The following HYOU1 variants were observed in gnomAD, a reference collection of about 807,000 sequenced individuals.
HYOU1 encodes the protein hypoxia up-regulated protein 1.
Under a neutral mutation model 120.5 loss-of-function variants are expected in HYOU1, and 40 were observed. The observed-to-expected ratio is 0.33, with a 90% CI of 0.26 to 0.43. The LOEUF is 0.43. HYOU1 is among the 20% of genes least tolerant of loss of function. The probability of loss-of-function intolerance (pLI) is 1.00; values close to 1 mark genes in which losing one functional copy is unlikely to be tolerated. For synonymous variants in HYOU1, 501 were observed against 479.4 expected (o/e 1.05, Z -0.59); for missense variants, 1,085 against 1,278.3 (o/e 0.85, Z 2.31).
In HYOU1 at chr11:119,045,323, G is replaced by T. The variant is rs1412671661; in HGVS notation, c.*270C>A. ...CAGGCAAAGGATTCAGAAATTAATA[G>T]TGATTTTTCCCAAATTTAGGGCCTA... is the stretch of plus-strand genomic sequence containing the variant. On this transcript the variant is annotated 3_prime_UTR_variant, in exon 26 of 26. Transcript: ENST00000617285. 9.8e-6 allele frequency: 6 copies of T among 613,268 alleles called. No homozygotes were observed. The highest frequency in any genetic ancestry group is 1.8e-5 in the Non-Finnish European group (6 of 331,396). 38.0% of individuals were successfully genotyped at this position (613,268 alleles called of 1,614,324 possible).
chr11:119,048,977 A>C lies in HYOU1; in HGVS notation c.1992+41T>G, dbSNP rs2133568727. 2.5e-6 allele frequency: 4 copies of C among 1,612,670 alleles called. No homozygotes were observed. In the Admixed American group the frequency reaches 6.7e-5, roughly 27 times the overall value. ...AAACAAGGCAGGCGCCTGCTCCCTT[A>C]GCCTCTGGATCCACACTGGCCTTCC... is the stretch of plus-strand genomic sequence containing the variant. On this transcript the variant is annotated intron_variant, in intron 17 of 25. Transcript: ENST00000617285. The surrounding 1 kb of genome is among the most constrained non-coding windows in gnomAD (Gnocchi z 4.7).
At chr11:119,046,504 A>T in intron 23 of HYOU1, 37 bp from the exon 24 acceptor site, 1 of 1,614,138 alleles carries the variant, frequency 6.2e-7, no homozygotes, top group Admixed American at 1.7e-5. Context: ...AGCCTCAGGA[A>T]GGAAAGGAGG....
intron 16 of HYOU1, 98 bp downstream of exon 16, chr11:119,049,458 C>A: frequency 1.9e-6 from 3 of 1,555,398 alleles, no homozygotes; most frequent in Admixed American, 1.7e-5. Flanking sequence ...GTTAACACAA[C>A]AGGGGCAGGG....
rs2133586830 is a variant in HYOU1, at chr11:119,051,650, C to T, written c.1339-25G>A. On this transcript the variant is annotated intron_variant, in intron 12 of 25. Coordinates refer to ENST00000617285, the MANE Select transcript of HYOU1 (RefSeq NM_006389.5). This position sits in a 1 kb window ranked among gnomAD's most constrained non-coding sequence, Gnocchi z 4.2. The stretch of plus-strand genomic sequence containing the variant: ...CCTACACAGCAGGCAGACAGAGGCA[C>T]ACTGTTGCACACTAGAGAACCCGAG... The T allele has an allele frequency of 6.2e-7, 1 of 1,613,186 alleles. No individual in the cohort carries two copies. Among genetic ancestry groups the T allele is most frequent in the East Asian group, 2.2e-5 (1 of 44,864 alleles).
At position 119,044,825 on chromosome 11, in the gene HYOU1, C is replaced by G. The variant is rs782362916; in HGVS notation, c.*768G>C. The G allele has an allele frequency of 9.2e-5, 23 of 248,948 alleles. No individual in the cohort carries two copies. The highest frequency in any genetic ancestry group is 1.7e-4 in the Non-Finnish European group (20 of 118,464). The allele number at this position is 248,948 out of a possible 1,614,324, so 15.4% of individuals were successfully genotyped here. A position where few individuals can be genotyped will look rare whatever the true frequency, so the allele number is the denominator to read the frequency against. On this transcript the variant is annotated 3_prime_UTR_variant, in exon 26 of 26. Transcript: ENST00000617285. ...ACAGAGCTTGCACGATGCTGGCACC[C>G]CATGCCAACCACTCTACGTGGCTTT... is the stretch of plus-strand genomic sequence containing the variant.
intron 6 of HYOU1, 117 bp downstream of exon 6, chr11:119,054,867 A>G: frequency 8.3e-7 from 1 of 1,198,894 alleles, no homozygotes; most frequent in East Asian, 2.4e-5. Flanking sequence ...GTGACAACCA[A>G]AATCTATCTT....
chr11:119,055,042 A>G lies in HYOU1; in HGVS notation c.438T>C (p.Pro146=), dbSNP rs2133609531. 6.2e-6 allele frequency: 10 copies of G among 1,614,174 alleles called. No individual in the cohort carries two copies. The South Asian group carries it at 8.8e-5, about 14-fold the overall frequency. Residue 146 remains proline (P), a synonymous_variant, in exon 6 of 26, where the codon CCT becomes CCC. Transcript: ENST00000617285. This position sits in a 1 kb window ranked among gnomAD's most constrained non-coding sequence, Gnocchi z 4.0. The part of the protein sequence containing the change: ...FQISSQLQFS[P]EEVLGMVLNY... ...TGAGAACCATGCCCAACACTTCCTC[A>G]GGTGAGAACTGCAGCTGCCTGAGGG...
rs1943957396 is a variant in HYOU1, at chr11:119,044,439, C to G, written c.*1154G>C. ...CTTGTCTTGGAGCTGAGGCAGCAGCCCTAGCTCCTGCTACAGACGGAATAC... is the reference window on the plus strand; with the variant it reads ...CTTGTCTTGGAGCTGAGGCAGCAGCGCTAGCTCCTGCTACAGACGGAATAC... On this transcript the variant is annotated 3_prime_UTR_variant, in exon 26 of 26. Coordinates refer to ENST00000617285, the MANE Select transcript of HYOU1 (RefSeq NM_006389.5). 1.3e-5 allele frequency: 2 copies of G among 152,390 alleles called. No homozygotes were observed. Among genetic ancestry groups the G allele is most frequent in the East Asian group, 1.9e-4 (1 of 5,178 alleles). 9.4% of individuals were successfully genotyped at this position (152,390 alleles called of 1,614,324 possible).
chr11:119,053,906 T>G (rs1047216766), intron 8 of HYOU1: 1 of 483,098 alleles, frequency 2.1e-6, no homozygotes. Context: ...GAATACATTT[T>G]GAAAGTTCCA....
chr11:119,055,668 C>T lies in HYOU1; in HGVS notation c.185+82G>A. 2.7e-6 allele frequency: 4 copies of T among 1,488,646 alleles called. No homozygotes were observed. Among genetic ancestry groups the T allele is most frequent in the Non-Finnish European group, 2.8e-6 (3 of 1,065,740 alleles). 92.2% of individuals were successfully genotyped at this position (1,488,646 alleles called of 1,614,324 possible). A position where few individuals can be genotyped will look rare whatever the true frequency, so the allele number is the denominator to read the frequency against. ...TTAACCACTCAGATGCCGAAGTCTG[C>T]TGTGGGCACTATGACTAACACATTC... On this transcript the variant is annotated intron_variant, in intron 3 of 25. Transcript: ENST00000617285. This position sits in a 1 kb window ranked among gnomAD's most constrained non-coding sequence, Gnocchi z 4.0.
rs1944195953 is a variant in HYOU1 at position 119,048,137 on chromosome 11, C to G, written c.2377-57G>C. ...AAGGGACGACAGCAGAGCCTGGAGT[C>G]AGCCCCATGTCCTTCTTTATGGGCT... On this transcript the variant is annotated intron_variant, in intron 20 of 25. Coordinates refer to ENST00000617285, the MANE Select transcript of HYOU1 (RefSeq NM_006389.5). This position sits in a 1 kb window ranked among gnomAD's most constrained non-coding sequence, Gnocchi z 4.7. The G allele has an allele frequency of 6.2e-7, 1 of 1,612,274 alleles. No homozygotes were observed. The highest frequency in any genetic ancestry group is 1.1e-5 in the South Asian group (1 of 91,002).
In HYOU1 at chr11:119,045,065, C is replaced by T. The variant is rs1943985894; in HGVS notation, c.*528G>A. On this transcript the variant is annotated 3_prime_UTR_variant, in exon 26 of 26. Transcript: ENST00000617285. ...GCTGGATGGGAATGGGGAAGGGAGG[C>T]TCAGAGCAAGAGAAGCCCGCAGAGG... 2 of 444,950 alleles carry T rather than the reference C, an allele frequency of 4.5e-6. No individual in the cohort carries two copies. Among genetic ancestry groups the T allele is most frequent in the Non-Finnish European group, 9.2e-6 (2 of 217,428 alleles). 27.6% of individuals were successfully genotyped at this position (444,950 alleles called of 1,614,324 possible). A position where few individuals can be genotyped will look rare whatever the true frequency, so the allele number is the denominator to read the frequency against.
In HYOU1 at chr11:119,052,848, A is replaced by C; in HGVS notation, c.795-19T>G. The C allele has an allele frequency of 6.2e-7, 1 of 1,602,906 alleles. No individual in the cohort carries two copies. The highest frequency in any genetic ancestry group is 8.5e-7 in the Non-Finnish European group (1 of 1,174,072). On this transcript the variant is annotated intron_variant, in intron 8 of 25. Transcript: ENST00000617285. This position sits in a 1 kb window ranked among gnomAD's most constrained non-coding sequence, Gnocchi z 5.0. Reference sequence around the variant, plus strand: ...GTCAAATCTGTTGAGAAAAGGGAGCAGGGAAAAAAGTGAAGAACACATGGA... The same window carrying C: ...GTCAAATCTGTTGAGAAAAGGGAGCCGGGAAAAAAGTGAAGAACACATGGA...
rs142573589 is a variant in HYOU1, at chr11:119,055,310, A to C, written c.294T>G (p.Arg98=). 198 of 1,613,828 alleles carry C rather than the reference A, an allele frequency of 1.2e-4. 1 individual carries two copies. In the African/African-American group the frequency reaches 2.2e-3, roughly 18 times the overall value. The change falls in exon 5 of 26, where the codon CGT becomes CGG. Residue 98 remains arginine, a synonymous_variant. Coordinates refer to ENST00000617285, the MANE Select transcript of HYOU1 (RefSeq NM_006389.5). The surrounding 1 kb of genome is among the most constrained non-coding windows in gnomAD (Gnocchi z 4.0). ...GCTTCCCCAGGAGGTGCTGGAAGTA[A>C]CGTAGCGTAGCCTTTGGATTCTTAA... ...MAIKNPKATL[R]YFQHLLGKQA... is the part of the protein sequence containing the mutation.
In HYOU1 at chr11:119,051,313, G is replaced by C; in HGVS notation, c.1526+125C>G. Reference sequence around the variant, plus strand: ...GAGGACGGATGCATTCTCCAGCGAAGCTGATCATAGCTGCCCTGTTTCAGC... The same window carrying C: ...GAGGACGGATGCATTCTCCAGCGAACCTGATCATAGCTGCCCTGTTTCAGC... On this transcript the variant is annotated intron_variant, in intron 13 of 25. Coordinates refer to ENST00000617285, the MANE Select transcript of HYOU1 (RefSeq NM_006389.5). The surrounding 1 kb of genome is among the most constrained non-coding windows in gnomAD (Gnocchi z 4.2). 6.8e-7 allele frequency: 1 copy of C among 1,474,418 alleles called. No individual in the cohort carries two copies. The highest frequency in any genetic ancestry group is 1.8e-5 in the Admixed American group (1 of 55,164). The allele number at this position is 1,474,418 out of a possible 1,614,324, so 91.3% of individuals were successfully genotyped here. A position where few individuals can be genotyped will look rare whatever the true frequency, so the allele number is the denominator to read the frequency against.
intron 14 of HYOU1, among the ~76,000 whole-genome samples, chr11:119,050,594 A>G (rs2133579528): frequency 0.78 from 117,762 of 151,088 alleles, 46,633 homozygotes; most frequent in East Asian, 0.93. Context: ...GGTGGCACAT[A>G]CGTATCGTCC....
rs182347121 is a variant in HYOU1 at position 119,047,326 on chromosome 11, C to T, written c.2595+408G>A. ...CCTCCTTAAGTGCTGGGATTACAGG[C>T]GTGAGCCACCGCGCCCAGCTGAATA... On this transcript the variant is annotated intron_variant, in intron 22 of 25. Coordinates refer to ENST00000617285, the MANE Select transcript of HYOU1 (RefSeq NM_006389.5). 2.6e-4 allele frequency: 57 copies of T among 221,362 alleles called. No individual in the cohort carries two copies. The East Asian group carries it at 3.9e-3, about 15-fold the overall frequency. 13.7% of individuals were successfully genotyped at this position (221,362 alleles called of 1,614,324 possible). A position where few individuals can be genotyped will look rare whatever the true frequency, so the allele number is the denominator to read the frequency against.
In HYOU1 at chr11:119,046,595, T is replaced by C. The variant is rs2133551292; in HGVS notation, c.2803A>G (p.Ser935Gly). 6 of 1,614,016 alleles carry C rather than the reference T, an allele frequency of 3.7e-6. No individual in the cohort carries two copies. Among genetic ancestry groups the C allele is most frequent in the South Asian group, 3.3e-5 (3 of 91,076 alleles). ...RAEPPLNASA[S>G]DQGEKVIPPA... is the part of the protein sequence containing the mutation. The stretch of plus-strand genomic sequence containing the variant: ...GGGATGACCTTCTCCCCCTGGTCAC[T>C]GGCACTGGCATTGAGGGGTGGCTCT... Residue 935 changes from serine (S) to glycine (G), a missense_variant, in exon 23 of 26, where the codon AGT becomes GGT. Ser to Gly is a moderately conservative substitution (Grantham distance 56). Around this residue, in one of 4 missense-constraint regions of HYOU1, gnomAD observed 516 missense variants for 517.1 expected, o/e 1.00. Transcript: ENST00000617285.
chr11:119,053,336 G>C (rs1944560412), intron 8 of HYOU1: 1 of 154,004 alleles, frequency 6.5e-6, no homozygotes. Flanking sequence ...GAGTTCACTA[G>C]CTGGAGGGGA....
Sources: gnomAD v4.1 joint callset for allele counts (sites outside exome capture counted in the v4.1 genomes callset) on GRCh38, gnomAD v4.1.1 for gene constraint, gnomAD v4.1.1 regional missense constraint, Gnocchi (gnomAD v3.1) non-coding constraint, MANE v1.5 for transcripts, NCBI Gene and HGNC (gene_info 2026-07-23, HGNC 2026-07-21) for gene names.